LRRC9: variants seen among roughly 807,000 people sequenced by gnomAD.
LRRC9 encodes the protein leucine-rich repeat-containing protein 9.
Under a neutral mutation model 63.2 loss-of-function variants are expected in LRRC9, and 122 were observed. That is an observed-to-expected ratio of 1.93 (90% CI 1.67 to 2.24). LRRC9 has a LOEUF of 2.24. Ranked by LOEUF, LRRC9 falls within the 30% of genes most tolerant of loss-of-function variation. The probability of loss-of-function intolerance (pLI) is 0.00; values close to 1 mark genes in which losing one functional copy is unlikely to be tolerated. For synonymous variants in LRRC9, 366 were observed against 213.1 expected (o/e 1.72, Z -6.25); for missense variants, 1,071 against 627.7 (o/e 1.71, Z -7.55).
At chr14:60,023,971 G>C (rs1891320504) in intron 27 of LRRC9, among the ~76,000 whole-genome samples, 1 of 152,072 alleles carries the variant, frequency 6.6e-6, no homozygotes, top group African/African-American at 2.4e-5. Context: ...CAAAGGACAT[G>C]AACTCATTCT....
Position 60,027,868 on chromosome 14 carries a change from A to G in LRRC9, c.3704-16A>G, listed in dbSNP as rs1891681159. 2.9e-6 allele frequency: 2 copies of G among 690,214 alleles called. No homozygotes were observed. The highest frequency in any genetic ancestry group is 4.2e-5 in the Admixed American group (2 of 47,764). 42.8% of individuals were successfully genotyped at this position (690,214 alleles called of 1,614,324 possible). On this transcript the variant is annotated splice_polypyrimidine_tract_variant and intron_variant, in intron 27 of 31. Coordinates refer to ENST00000445360, the Ensembl canonical transcript of LRRC9. This position sits in a 1 kb window ranked among gnomAD's most constrained non-coding sequence, Gnocchi z 4.0. The stretch of plus-strand genomic sequence containing the variant: ...GTTTGGGCTCACTTGATATATCATG[A>G]CTTATCTCTTTTTAGGTAATGAAAT...
chr14:59,970,438 T>C (rs1158508509), intron 12 of LRRC9, among the ~76,000 whole-genome samples: 2 of 152,198 alleles, frequency 1.3e-5, no homozygotes, highest in East Asian at 3.8e-4. Context: ...TTCCTTTAGG[T>C]ATATACCCAG....
intron 8 of LRRC9, among the ~76,000 whole-genome samples, chr14:59,947,076 C>A (rs1387800783): frequency 6.7e-6 from 1 of 148,352 alleles, no homozygotes; most frequent in Non-Finnish European, 1.5e-5. Flanking sequence ...CCTGAGGAAT[C>A]GCCACACTGA....
intron 23 of LRRC9, among the ~76,000 whole-genome samples, chr14:60,014,930 C>G (rs1890554908): frequency 6.6e-6 from 1 of 152,116 alleles, no homozygotes; most frequent in Non-Finnish European, 1.5e-5. Flanking sequence ...TCCACAAATA[C>G]AGGATATGCC....
rs1212761243 is a variant in LRRC9, at chr14:60,051,488, C to T, written c.3991-1577C>T. Among the ~76,000 whole-genome samples, 1 of 152,230 alleles carries T rather than the reference C, an allele frequency of 6.6e-6. No homozygotes were observed. The highest frequency in any genetic ancestry group is 1.5e-5 in the Non-Finnish European group (1 of 68,044). ...ACAGAAATGGCTGCCACCCTTTCCC[C>T]CAAGAACTGCTTCTGGTTTCAGGCA... is the stretch of plus-strand genomic sequence containing the variant. On this transcript the variant is annotated intron_variant, in intron 29 of 31. Transcript: ENST00000445360. The surrounding 1 kb of genome is among the most constrained non-coding windows in gnomAD (Gnocchi z 4.7).
At chr14:60,038,417 T>C (rs1054018009) in intron 29 of LRRC9, among the ~76,000 whole-genome samples, 5 of 151,328 alleles carry the variant, frequency 3.3e-5, no homozygotes, top group African/African-American at 1.2e-4. Flanking sequence ...GTTCTTCCAT[T>C]TGTTTGTGTC....
At chr14:59,953,219 T>C (rs1432230829) in intron 8 of LRRC9, among the ~76,000 whole-genome samples, 1 of 152,240 alleles carries the variant, frequency 6.6e-6, no homozygotes, top group Non-Finnish European at 1.5e-5. Context: ...TTCTAGATGT[T>C]TGAGGAAACG....
Position 60,036,813 on chromosome 14 carries a change from C to A in LRRC9, c.3990+4750C>A, listed in dbSNP as rs751392128. Among the ~76,000 whole-genome samples the A allele has an allele frequency of 2.6e-5, 4 of 151,748 alleles. No homozygotes were observed. In the East Asian group the frequency reaches 5.8e-4, roughly 22 times the overall value. On this transcript the variant is annotated intron_variant, in intron 29 of 31. Coordinates refer to ENST00000445360, the Ensembl canonical transcript of LRRC9. ...TAAGTTCTAGGGTACATGTGCACAA[C>A]GTGCAAGTTTGTTACATATGTATAC... is the stretch of plus-strand genomic sequence containing the variant.
At chr14:60,033,100 A>C (rs549591045) in intron 29 of LRRC9, among the ~76,000 whole-genome samples, 1 of 152,168 alleles carries the variant, frequency 6.6e-6, no homozygotes, top group African/African-American at 2.4e-5. Context: ...TTGCTTTTTA[A>C]AATAGTGTCT....
rs1475028083 is a variant in LRRC9 at position 60,027,410 on chromosome 14, G to T, written c.3704-474G>T. On this transcript the variant is annotated intron_variant, in intron 27 of 31. Coordinates refer to ENST00000445360, the Ensembl canonical transcript of LRRC9. The surrounding 1 kb of genome is among the most constrained non-coding windows in gnomAD (Gnocchi z 4.0). ...AAATGAACTTTGATGTGTTTAATAT[G>T]ATTGCAGTGCAAAAATATGAGAAAG... Among the ~76,000 whole-genome samples, 1 of 151,984 alleles carries T rather than the reference G, an allele frequency of 6.6e-6. No homozygotes were observed. Among genetic ancestry groups the T allele is most frequent in the East Asian group, 1.9e-4 (1 of 5,174 alleles).
In LRRC9 at chr14:60,060,939, A is replaced by G. The variant is rs530811565; in HGVS notation, c.4277-2384A>G. 1.3e-5 allele frequency among the ~76,000 whole-genome samples: 2 copies of G among 152,316 alleles called. No homozygotes were observed. Among genetic ancestry groups the G allele is most frequent in the South Asian group, 4.1e-4 (2 of 4,826 alleles). On this transcript the variant is annotated intron_variant, in intron 31 of 31. Transcript: ENST00000445360. This position sits in a 1 kb window ranked among gnomAD's most constrained non-coding sequence, Gnocchi z 4.0. The stretch of plus-strand genomic sequence containing the variant: ...GGACTTCAGTGAAGGAAGTAACTGC[A>G]GATGTGTGGAAACAGCAAGAGAACT...
At chr14:60,032,844 A>C (rs1892104430) in intron 29 of LRRC9, among the ~76,000 whole-genome samples, 1 of 152,086 alleles carries the variant, frequency 6.6e-6, no homozygotes, top group Non-Finnish European at 1.5e-5. Flanking sequence ...AGGGAGTTAA[A>C]TCACTCCACT....
chr14:59,921,149 A>C lies in LRRC9; in HGVS notation c.-34+1266A>C, dbSNP rs141125583. On this transcript the variant is annotated intron_variant, in intron 1 of 31. Transcript: ENST00000445360. ...TACAGCCAAGGGAAAAGGACATTTT[A>C]GGGAGAGGAAACAGCCCATGCCAAA... 1.6e-4 allele frequency among the ~76,000 whole-genome samples: 25 copies of C among 152,262 alleles called. No homozygotes were observed. The East Asian group carries it at 4.8e-3, about 29-fold the overall frequency.
At chr14:60,063,694 T>A (rs1414671447), downstream of LRRC9, 1 of 242,618 alleles carries the variant, frequency 4.1e-6, no homozygotes, top group South Asian at 1.3e-4. Flanking sequence ...GTTCTAGTAT[T>A]AGAAACATTT....
intron 29 of LRRC9, among the ~76,000 whole-genome samples, chr14:60,037,664 T>G (rs1442360714): frequency 1.3e-5 from 2 of 152,242 alleles, no homozygotes; most frequent in Non-Finnish European, 2.9e-5. Flanking sequence ...TTCTGGATAT[T>G]AGCCCTTTGT....
In LRRC9 at chr14:60,031,870, A is replaced by C. The variant is rs1004159995; in HGVS notation, c.3922-125A>C. The C allele has an allele frequency of 1.7e-6, 1 of 600,780 alleles. No homozygotes were observed. Among genetic ancestry groups the C allele is most frequent in the Admixed American group, 2.8e-5 (1 of 36,200 alleles). 37.2% of individuals were successfully genotyped at this position (600,780 alleles called of 1,614,324 possible). ...ATACAGAATACTGTCACTCAAGCTC[A>C]CTTCAGAGAATTCAATCATGAGCTA... On this transcript the variant is annotated intron_variant, in intron 28 of 31. Coordinates refer to ENST00000445360, the Ensembl canonical transcript of LRRC9. This position sits in a 1 kb window ranked among gnomAD's most constrained non-coding sequence, Gnocchi z 4.6.
intron 30 of LRRC9, among the ~76,000 whole-genome samples, chr14:60,054,397 T>TCC (rs1894121024): frequency 6.6e-6 from 1 of 152,010 alleles, no homozygotes; most frequent in African/African-American, 2.4e-5. Flanking sequence ...ACTCTCTCTC[T>TCC]CCCCACCCCT....
exon 17 of LRRC9, chr14:59,985,186 T>C (rs908155807): frequency 8.7e-6 from 6 of 691,568 alleles, no homozygotes; most frequent in Non-Finnish European, 1.6e-5. Context: ...AAACATTAGC[T>C]TTAATGAATT....
chr14:59,961,977 A>G lies in LRRC9; in HGVS notation c.1211+932A>G, dbSNP rs576397551. ...TGGAGCATGATTTTACTTGAAGTCAATGTCAAAATAAATACTAATTTTTAT... is the reference window on the plus strand; with the variant it reads ...TGGAGCATGATTTTACTTGAAGTCAGTGTCAAAATAAATACTAATTTTTAT... On this transcript the variant is annotated intron_variant, in intron 10 of 31. Transcript: ENST00000445360. Among the ~76,000 whole-genome samples, 3 of 152,338 alleles carry G rather than the reference A, an allele frequency of 2.0e-5. No individual in the cohort carries two copies. The South Asian group carries it at 6.2e-4, about 32-fold the overall frequency.
Sources: allele counts gnomAD v4.1 joint callset (sites outside exome capture counted in the v4.1 genomes callset), GRCh38; gene constraint gnomAD v4.1.1; non-coding constraint Gnocchi (gnomAD v3.1); transcripts MANE v1.5; gene names NCBI Gene and HGNC (gene_info 2026-07-23, HGNC 2026-07-21).